STPG2: variants seen among roughly 807,000 people sequenced by gnomAD.
The protein encoded by STPG2 is sperm tail PG-rich repeat containing 2, also known as sperm-tail PG-rich repeat-containing protein 2.
Under a neutral mutation model 54.2 loss-of-function variants are expected in STPG2, and 56 were observed. The observed-to-expected ratio is 1.03, with a 90% CI of 0.83 to 1.29. STPG2 has a LOEUF of 1.29. Ranked by LOEUF, STPG2 falls within the 50% of genes most tolerant of loss-of-function variation. The pLI, the probability that STPG2 is intolerant of heterozygous loss-of-function variation, is 0.00. For synonymous variants in STPG2, 200 were observed against 181.8 expected, an observed-to-expected ratio of 1.10 and a Z score of -0.81; for missense variants, 596 against 544.9, an observed-to-expected ratio of 1.09 and a Z score of -0.93.
intron 10 of STPG2, among the ~76,000 whole-genome samples, chr4:97,651,408 C>T (rs1354990079): frequency 2.6e-5 from 4 of 152,016 alleles, no homozygotes; most frequent in Non-Finnish European, 5.9e-5. Context: ...AAAATAGCTC[C>T]AAACTTAAAA....
At chr4:97,668,656 G>A (rs1456798253) in intron 10 of STPG2, among the ~76,000 whole-genome samples, 1 of 135,910 alleles carries the variant, frequency 7.4e-6, no homozygotes, top group East Asian at 2.6e-4. Context: ...AAGAAAGGAG[G>A]AAGGAAAGAA....
chr4:97,460,222 C>T (rs1378047521), intron 4 of STPG2, among the ~76,000 whole-genome samples: 3 of 151,984 alleles, frequency 2.0e-5, no homozygotes, highest in African/African-American at 7.2e-5. Context: ...CCCAGAAGCC[C>T]CATTTAAAAT....
At chr4:97,449,257 A>G (rs1214443628) in intron 4 of STPG2, among the ~76,000 whole-genome samples, 1 of 152,132 alleles carries the variant, frequency 6.6e-6, no homozygotes, top group East Asian at 1.9e-4. Context: ...TTGTTCCCAA[A>G]ATAAATTTTG....
At chr4:97,558,447 T>A (rs931390202), downstream of STPG2, among the ~76,000 whole-genome samples, 1 of 152,156 alleles carries the variant, frequency 6.6e-6, no homozygotes, top group African/African-American at 2.4e-5. Context: ...TGAGAATACA[T>A]TACAAAAAAG....
intron 1 of STPG2, among the ~76,000 whole-genome samples, chr4:98,137,755 A>G (rs951286575): frequency 1.3e-5 from 2 of 152,000 alleles, no homozygotes; most frequent in Non-Finnish European, 2.9e-5. Context: ...TACACTAGCC[A>G]TGTACTCAAC....
chr4:97,892,665 T>G (rs1730817520), intron 8 of STPG2, among the ~76,000 whole-genome samples: 1 of 152,212 alleles, frequency 6.6e-6, no homozygotes, highest in South Asian at 2.1e-4. Context: ...AAATTTCATA[T>G]GCTAATGATA....
At chr4:97,501,092 C>T (rs926071493) in intron 4 of STPG2, among the ~76,000 whole-genome samples, 1 of 151,944 alleles carries the variant, frequency 6.6e-6, no homozygotes, top group Non-Finnish European at 1.5e-5. Flanking sequence ...TCTTTGGGAC[C>T]TGATCCAGTT....
intron 1 of STPG2, among the ~76,000 whole-genome samples, chr4:98,138,390 T>C (rs1374472433): frequency 6.6e-6 from 1 of 151,810 alleles, no homozygotes; most frequent in Non-Finnish European, 1.5e-5. Context: ...AAGAAAGAAA[T>C]GAGTTCAGTT....
chr4:97,760,698 C>T (rs528931276), intron 9 of STPG2, among the ~76,000 whole-genome samples: 3 of 152,242 alleles, frequency 2.0e-5, no homozygotes, highest in East Asian at 1.9e-4. Flanking sequence ...TATGTGCATA[C>T]CTCTGAGCAA....
intron 8 of STPG2, among the ~76,000 whole-genome samples, chr4:97,924,383 T>C (rs1381035177): frequency 2.0e-5 from 3 of 152,230 alleles, no homozygotes; most frequent in East Asian, 1.9e-4. Flanking sequence ...AGTAATACAA[T>C]AGGACTTTTG....
chr4:97,813,677 TA>T (rs869298230), intron 9 of STPG2, among the ~76,000 whole-genome samples: 93 of 45,890 alleles, frequency 2.0e-3, no homozygotes, highest in African/African-American at 3.9e-3. Context: ...CCCTGTCTCT[TA>T]AAAAAAAAAA....
At chr4:98,086,647 A>C (rs1224122983) in intron 5 of STPG2, among the ~76,000 whole-genome samples, 1 of 142,504 alleles carries the variant, frequency 7.0e-6, no homozygotes, top group East Asian at 2.0e-4. Flanking sequence ...TGTTATAATG[A>C]ATCCACAGAT....
At chr4:97,673,612 G>A (rs886573364) in intron 10 of STPG2, among the ~76,000 whole-genome samples, 1 of 151,894 alleles carries the variant, frequency 6.6e-6, no homozygotes, top group Non-Finnish European at 1.5e-5. Context: ...ACTGAGGCTT[G>A]TAACCTCTGG....
At chr4:97,799,222 C>CA (rs1391076226) in intron 9 of STPG2, among the ~76,000 whole-genome samples, 94 of 151,368 alleles carry the variant, frequency 6.2e-4, no homozygotes, top group African/African-American at 2.2e-3. Context: ...TTGATCCTGT[C>CA]ATTCTGATGT....
Position 97,689,426 on chromosome 4 carries a change from GTTTAT to G in STPG2, c.1320+23268_1320+23272del, listed in dbSNP as rs532490500. ...CTCTCTCTCTTACTCTCTCTTAACA[GTTTAT>G]TTTAATTACAAGGGGAAAATGTTGC... On this transcript the variant is annotated intron_variant, in intron 10 of 10. Transcript: ENST00000295268. Among the ~76,000 whole-genome samples, 421 of 152,032 alleles carry G rather than the reference GTTTAT, an allele frequency of 2.8e-3. 4 individuals are homozygous for G. The highest frequency in any genetic ancestry group is 9.9e-3 in the African/African-American group (409 of 41,510).
At chr4:97,724,624 T>G (rs1276111712) in intron 9 of STPG2, among the ~76,000 whole-genome samples, 1 of 152,164 alleles carries the variant, frequency 6.6e-6, no homozygotes, top group African/African-American at 2.4e-5. Flanking sequence ...ATTTTTTAAA[T>G]TTGCTATATG....
chr4:97,838,507 C>G (rs2149119391), intron 9 of STPG2, among the ~76,000 whole-genome samples: 1 of 150,512 alleles, frequency 6.6e-6, no homozygotes, highest in African/African-American at 2.4e-5. Context: ...AAAGAATAGA[C>G]AATTTTTTGG....
At chr4:97,642,243 A>T (rs1010750037) in intron 10 of STPG2, among the ~76,000 whole-genome samples, 4 of 151,348 alleles carry the variant, frequency 2.6e-5, no homozygotes, top group African/African-American at 9.7e-5. Context: ...CTACATTAAC[A>T]TCAATAAACC....
At chr4:97,807,684 G>A (rs1461673982) in intron 9 of STPG2, among the ~76,000 whole-genome samples, 1 of 151,794 alleles carries the variant, frequency 6.6e-6, no homozygotes, top group Non-Finnish European at 1.5e-5. Context: ...GTATTTATTT[G>A]GAATTGAAAA....
Sources: allele counts gnomAD v4.1 joint callset (sites outside exome capture counted in the v4.1 genomes callset), GRCh38; gene constraint gnomAD v4.1.1; transcripts MANE v1.5; gene names NCBI Gene and HGNC (gene_info 2026-07-23, HGNC 2026-07-21).